Variants in ST3GAL3 observed in about 807,000 individuals in gnomAD.
The protein encoded by ST3GAL3 is ST3 beta-galactoside alpha-2,3-sialyltransferase 3.
Under a neutral mutation model 50.1 loss-of-function variants are expected in ST3GAL3, and 21 were observed. That is an observed-to-expected ratio of 0.42 (90% confidence interval 0.30 to 0.60). ST3GAL3 has a LOEUF of 0.60. ST3GAL3 is among the 20% of genes least tolerant of loss of function. The pLI is 0.19. For synonymous variants in ST3GAL3, 183 were observed against 190.0 expected, an observed-to-expected ratio of 0.96 and a Z score of 0.30; for missense variants, 353 against 489.4, an observed-to-expected ratio of 0.72 and a Z score of 2.63.
At chr1:43,793,989 C>T (rs534544841) in intron 3 of ST3GAL3, among the ~76,000 whole-genome samples, 86 of 150,726 alleles carry the variant, frequency 5.7e-4, no homozygotes, top group African/African-American at 1.8e-3. Flanking sequence ...GGATGCTAAG[C>T]AGGAGGATCA....
At chr1:43,857,469 C>CTCCT (rs5773815) in intron 5 of ST3GAL3, among the ~76,000 whole-genome samples, 58,457 of 129,094 alleles carry the variant, frequency 0.45, 14,910 homozygotes, top group Non-Finnish European at 0.6. Context: ...GTGTATTTCC[C>CTCCT]TCCTTCCTTC....
At chr1:43,924,259 G>A (rs572174622) in intron 11 of ST3GAL3, among the ~76,000 whole-genome samples, 35 of 152,092 alleles carry the variant, frequency 2.3e-4, no homozygotes, top group Non-Finnish European at 2.5e-4. Flanking sequence ...CCGTGGCCCC[G>A]AAAGTCTTCC....
intron 11 of ST3GAL3, among the ~76,000 whole-genome samples, chr1:43,926,111 C>A (rs186906393): frequency 1.3e-5 from 2 of 152,176 alleles, no homozygotes; most frequent in South Asian, 2.1e-4. Flanking sequence ...TGGCTTCATA[C>A]GGGAATCTGT....
chr1:43,794,151 A>G (rs1023814066), intron 3 of ST3GAL3, among the ~76,000 whole-genome samples: 12 of 152,232 alleles, frequency 7.9e-5, no homozygotes, highest in African/African-American at 2.6e-4. Flanking sequence ...TGAAAAAAAT[A>G]TCTTTACAAC....
intron 1 of ST3GAL3, among the ~76,000 whole-genome samples, chr1:43,720,150 G>T (rs983553513): frequency 6.6e-6 from 1 of 151,794 alleles, no homozygotes; most frequent in African/African-American, 2.4e-5. Context: ...GATCGCTTGA[G>T]CCTAGGAGGT....
At chr1:43,920,615 G>A in intron 10 of ST3GAL3, 65 bp downstream of exon 10, 1 of 1,605,724 alleles carries the variant, frequency 6.2e-7, no homozygotes, top group South Asian at 1.1e-5. Flanking sequence ...TGGAAGGAAG[G>A]GTGGGTGGTG....
At chr1:43,869,396 G>A (rs866901685) in intron 5 of ST3GAL3, among the ~76,000 whole-genome samples, 1 of 152,144 alleles carries the variant, frequency 6.6e-6, no homozygotes, top group African/African-American at 2.4e-5. Context: ...GTATCATAAA[G>A]GGCCCCTCCC....
intron 5 of ST3GAL3, chr1:43,851,354 G>T: frequency 6.4e-7 from 1 of 1,567,932 alleles, no homozygotes. Context: ...CACCAGGGCA[G>T]TTACACTCAA....
chr1:43,921,041 G>C, intron 11 of ST3GAL3, 113 bp downstream of exon 11: 2 of 1,290,542 alleles, frequency 1.5e-6, no homozygotes, highest in Non-Finnish European at 2.2e-6. Flanking sequence ...CTCCCCAGAA[G>C]GTCCTGACAC....
intron 5 of ST3GAL3, among the ~76,000 whole-genome samples, chr1:43,871,482 C>T (rs112285520): frequency 1.3e-4 from 6 of 45,886 alleles, no homozygotes; most frequent in Middle Eastern, 0.017. Flanking sequence ...GAGGGAGAGG[C>T]TGGGGTGTGA....
chr1:43,902,116 C>G (rs1185039465), intron 9 of ST3GAL3, among the ~76,000 whole-genome samples: 1 of 152,256 alleles, frequency 6.6e-6, no homozygotes, highest in Non-Finnish European at 1.5e-5. Context: ...GAGGCTGCTT[C>G]TCCAGGTCCC....
At chr1:43,739,692 A>T (rs1680011549) in intron 2 of ST3GAL3, among the ~76,000 whole-genome samples, 1 of 152,200 alleles carries the variant, frequency 6.6e-6, no homozygotes, top group Non-Finnish European at 1.5e-5. Context: ...CTAAAAGAGC[A>T]ATCTGTGTGA....
intron 10 of ST3GAL3, 23 bp from the exon 11 acceptor site, chr1:43,920,759 T>C: frequency 6.2e-7 from 1 of 1,614,152 alleles, no homozygotes. Context: ...ATGCCTTCTC[T>C]CACCCCTGCC....
At chr1:43,917,041 A>G (rs1346313950) in intron 9 of ST3GAL3, 1 of 151,992 alleles carries the variant, frequency 6.6e-6, no homozygotes, top group Admixed American at 6.6e-5. Context: ...CATTTTGATT[A>G]TTTTTAGAAG....
Position 43,899,349 on chromosome 1 carries a change from G to A in ST3GAL3, c.557+86G>A. 6.2e-7 allele frequency: 1 copy of A among 1,610,916 alleles called. No individual in the cohort carries two copies. Among genetic ancestry groups the A allele is most frequent in the Non-Finnish European group, 8.5e-7 (1 of 1,178,512 alleles). On this transcript the variant is annotated intron_variant, in intron 8 of 11. Coordinates refer to ENST00000347631, the MANE Select transcript of ST3GAL3 (RefSeq NM_006279.5). This position sits in a 1 kb window ranked among gnomAD's most constrained non-coding sequence, Gnocchi z 5.4. ...CCATTGAGAACTGTCTGTCTGGCTA[G>A]TTGGGCTGGAGGTCAACGGAAGCCT...
At chr1:43,770,081 A>C (rs988999130) in intron 2 of ST3GAL3, among the ~76,000 whole-genome samples, 3 of 152,168 alleles carry the variant, frequency 2.0e-5, no homozygotes, top group African/African-American at 7.2e-5. Flanking sequence ...TTGAAAGCAC[A>C]TAATCAAAAG....
At chr1:43,865,020 A>AT (rs34451408) in intron 5 of ST3GAL3, among the ~76,000 whole-genome samples, 90,766 of 143,688 alleles carry the variant, frequency 0.63, 30,642 homozygotes, top group Non-Finnish European at 0.77. Flanking sequence ...TATGTACAAC[A>AT]TTTTTTTTTT....
At chr1:43,894,347 G>A (rs747114995) in intron 5 of ST3GAL3, 36 bp from the exon 6 acceptor site, 5 of 1,604,812 alleles carry the variant, frequency 3.1e-6, no homozygotes, top group South Asian at 1.1e-5. Flanking sequence ...AGACTGTTGC[G>A]TTTTTGTGAT....
At chr1:43,714,635 T>C (rs949684288) in intron 1 of ST3GAL3, among the ~76,000 whole-genome samples, 9 of 152,216 alleles carry the variant, frequency 5.9e-5, no homozygotes, top group African/African-American at 2.2e-4. Flanking sequence ...ATTGCTTAAA[T>C]GCCAACAGTT....
Sources: gnomAD v4.1 joint callset for allele counts (sites outside exome capture counted in the v4.1 genomes callset) on GRCh38, gnomAD v4.1.1 for gene constraint, Gnocchi (gnomAD v3.1) non-coding constraint, MANE v1.5 for transcripts, NCBI Gene and HGNC (gene_info 2026-07-23, HGNC 2026-07-21) for gene names.